POU6F2: variants seen among roughly 807,000 people sequenced by gnomAD.
The protein encoded by POU6F2 is POU domain, class 6, transcription factor 2.
Under a neutral mutation model 71.3 loss-of-function variants are expected in POU6F2, and 31 were observed. That is an observed-to-expected ratio of 0.43 (90% CI 0.33 to 0.59). The LOEUF (loss-of-function observed/expected upper bound fraction) is 0.59, where lower values mean the gene tolerates loss of function less well. POU6F2 is among the 20% of genes least tolerant of loss of function. The pLI is 0.04. For missense variants in POU6F2, 783 were observed against 856.8 expected (o/e 0.91, Z 1.07); for synonymous variants, 347 against 355.7 (o/e 0.98, Z 0.27).
intron 2 of POU6F2, among the ~76,000 whole-genome samples, chr7:39,155,800 T>C (rs1301146635): frequency 6.6e-6 from 1 of 152,208 alleles, no homozygotes; most frequent in African/African-American, 2.4e-5. Flanking sequence ...ATTTTTAAAG[T>C]TTATCTGTTA....
intron 1 of POU6F2, among the ~76,000 whole-genome samples, chr7:39,040,130 ATATATAAATCCCAGATTGAC>A (rs1790161560): frequency 1.7e-4 from 2 of 11,554 alleles, no homozygotes; most frequent in Admixed American, 1.1e-3. Context: ...ATATATATAT[ATATATAAATCCCAGATTGAC>A]TGAGTTAATC....
chr7:39,072,172 GC>G (rs539995006), intron 1 of POU6F2, among the ~76,000 whole-genome samples: 17 of 152,240 alleles, frequency 1.1e-4, no homozygotes, highest in African/African-American at 4.1e-4. Flanking sequence ...AACTTTTCAG[GC>G]AAAGTGCATG....
At chr7:38,990,728 C>CAT (rs2116623186) in intron 1 of POU6F2, among the ~76,000 whole-genome samples, 1 of 152,260 alleles carries the variant, frequency 6.6e-6, no homozygotes, top group African/African-American at 2.4e-5. Flanking sequence ...TCCACACCTG[C>CAT]ATCCCTCCTT....
chr7:39,013,398 C>G (rs965036192), intron 1 of POU6F2: 2 of 155,312 alleles, frequency 1.3e-5, no homozygotes, highest in African/African-American at 4.8e-5. Flanking sequence ...GCGCACGGTG[C>G]GCGCACCCAC....
intron 1 of POU6F2, among the ~76,000 whole-genome samples, chr7:39,037,761 G>T (rs1790098254): frequency 6.6e-6 from 1 of 151,952 alleles, no homozygotes; most frequent in African/African-American, 2.4e-5. Flanking sequence ...GAGAGGTTTT[G>T]GTTGATTTGC....
chr7:39,419,038 CAT>C (rs1171767707), intron 6 of POU6F2, among the ~76,000 whole-genome samples: 3 of 137,916 alleles, frequency 2.2e-5, no homozygotes, highest in Non-Finnish European at 4.7e-5. Context: ...TGTATATATA[CAT>C]ATATATGTAT....
intron 4 of POU6F2, among the ~76,000 whole-genome samples, chr7:39,271,541 GC>G: frequency 6.7e-6 from 1 of 149,428 alleles, no homozygotes; most frequent in Non-Finnish European, 1.5e-5. Flanking sequence ...AGCTCCTACA[GC>G]CAAGGAATCA....
chr7:39,384,541 TAA>T (rs1786897330), intron 5 of POU6F2, among the ~76,000 whole-genome samples: 1 of 148,212 alleles, frequency 6.7e-6, no homozygotes, highest in Admixed American at 6.8e-5. Context: ...TGCTATAAAT[TAA>T]AATAATGAAT....
At chr7:39,368,164 A>G (rs1158745596) in intron 5 of POU6F2, among the ~76,000 whole-genome samples, 1 of 152,256 alleles carries the variant, frequency 6.6e-6, no homozygotes, top group East Asian at 1.9e-4. Flanking sequence ...AAGGCATTCA[A>G]AAATCAAGAA....
chr7:39,115,374 A>G (rs111677680), intron 2 of POU6F2, among the ~76,000 whole-genome samples: 5 of 151,900 alleles, frequency 3.3e-5, no homozygotes, highest in African/African-American at 1.2e-4. Context: ...TTCTATTTCC[A>G]TTGCTTCCTA....
intron 5 of POU6F2, among the ~76,000 whole-genome samples, chr7:39,357,152 C>T (rs939678411): frequency 4.6e-5 from 7 of 152,122 alleles, no homozygotes; most frequent in Non-Finnish European, 8.8e-5. Context: ...AAATGGATCT[C>T]CTACCTTGAG....
At chr7:39,104,716 CT>C (rs1327929716) in intron 2 of POU6F2, among the ~76,000 whole-genome samples, 2 of 152,354 alleles carry the variant, frequency 1.3e-5, no homozygotes, top group African/African-American at 4.8e-5. Context: ...TTAAACTCTA[CT>C]TTTGATAAGT....
rs1787437525 is a variant in POU6F2 at position 39,406,645 on chromosome 7, G to A, written c.1018G>A (p.Ala340Thr). The change falls in exon 6 of 10, where the codon GCC becomes ACC. Residue 340 changes from alanine to threonine, a missense_variant. Ala to Thr is a moderately conservative substitution (Grantham distance 58). This residue lies in a region of POU6F2 where 572 missense variants were observed against 572.9 expected (regional missense o/e 1.00). Coordinates refer to ENST00000518318, the MANE Select transcript of POU6F2 (RefSeq NM_001370959.1). The part of the protein sequence containing the change: ...LASQAAAAAA[A>T]MSSIASSQAF... ...AAGTCAGGCTGCAGCGGCTGCAGCA[G>A]CCATGAGCTCCATAGCAAGCTCACA... The A allele has an allele frequency of 6.2e-7, 1 of 1,613,618 alleles. No homozygotes were observed. Among genetic ancestry groups the A allele is most frequent in the Admixed American group, 1.7e-5 (1 of 59,994 alleles).
intron 5 of POU6F2, among the ~76,000 whole-genome samples, chr7:39,356,001 G>A (rs1489638852): frequency 6.6e-6 from 1 of 152,126 alleles, no homozygotes; most frequent in African/African-American, 2.4e-5. Flanking sequence ...GGTCAGAGAA[G>A]TCAGGGGCTG....
At chr7:38,996,981 T>C (rs1584487331) in intron 1 of POU6F2, among the ~76,000 whole-genome samples, 1 of 152,224 alleles carries the variant, frequency 6.6e-6, no homozygotes, top group Admixed American at 6.5e-5. Context: ...GCCTGAATTA[T>C]TGACATAATT....
chr7:39,434,219 G>A (rs1201729376), intron 7 of POU6F2, among the ~76,000 whole-genome samples: 2 of 152,150 alleles, frequency 1.3e-5, no homozygotes, highest in African/African-American at 4.8e-5. Context: ...AGGCACAAAG[G>A]CAGGGAAATG....
intron 5 of POU6F2, among the ~76,000 whole-genome samples, chr7:39,405,583 C>T (rs908741662): frequency 6.6e-6 from 1 of 152,158 alleles, no homozygotes; most frequent in African/African-American, 2.4e-5. Flanking sequence ...AAAAAAATAA[C>T]ACCCTAGAAT....
intron 5 of POU6F2, among the ~76,000 whole-genome samples, chr7:39,379,846 G>A (rs961763809): frequency 2.0e-5 from 3 of 152,166 alleles, no homozygotes; most frequent in African/African-American, 7.2e-5. Flanking sequence ...CAAAATGAAA[G>A]CCCTCGTCAT....
chr7:38,979,435 C>A (rs1452892300), intron 1 of POU6F2, among the ~76,000 whole-genome samples: 1 of 152,094 alleles, frequency 6.6e-6, no homozygotes, highest in African/African-American at 2.4e-5. Flanking sequence ...ACCATGTTTT[C>A]ACAGGCTCAC....
Sources: gnomAD v4.1 joint callset for allele counts (sites outside exome capture counted in the v4.1 genomes callset) on GRCh38, gnomAD v4.1.1 for gene constraint, gnomAD v4.1.1 regional missense constraint, MANE v1.5 for transcripts, NCBI Gene and HGNC (gene_info 2026-07-23, HGNC 2026-07-21) for gene names.